LRIF1: variants seen among roughly 807,000 people sequenced by gnomAD.
LRIF1 encodes ligand dependent nuclear receptor interacting factor 1.
Under a neutral mutation model 52.7 loss-of-function variants are expected in LRIF1, and 32 were observed. The observed-to-expected ratio is 0.61, with a 90% CI of 0.46 to 0.82. The LOEUF is 0.82. LRIF1 is among the 40% of genes least tolerant of loss of function. The pLI, the probability that LRIF1 is intolerant of heterozygous loss-of-function variation, is 0.00. For synonymous variants in LRIF1, 323 were observed against 317.4 expected, an observed-to-expected ratio of 1.02 and a Z score of -0.19; for missense variants, 887 against 892.0, an observed-to-expected ratio of 0.99 and a Z score of 0.07.
rs1658239418 is a variant in LRIF1 at position 110,947,286 on chromosome 1, A to T, written c.*673T>A. ...ACGTATGTACATAGTCCCAAAAAAA[A>T]AAAAAGCAGCATTTGCCTGGGAACA... On this transcript the variant is annotated 3_prime_UTR_variant, in exon 4 of 4. Transcript: ENST00000369763. 1 of 152,208 alleles carries T rather than the reference A, an allele frequency of 6.6e-6. No individual in the cohort carries two copies. The highest frequency in any genetic ancestry group is 2.1e-4 in the South Asian group (1 of 4,830). The allele number at this position is 152,208 out of a possible 1,614,324, so 9.4% of individuals were successfully genotyped here.
At chr1:110,963,593 G>A in intron 1 of LRIF1, 28 bp downstream of exon 1, 2 of 1,591,502 alleles carry the variant, frequency 1.3e-6, no homozygotes, top group South Asian at 1.1e-5. Context: ...AGGGGCAGCC[G>A]TGGGGAGGAT....
rs770938313 is a variant in LRIF1 at position 110,951,878 on chromosome 1, G to C, written c.1006C>G (p.Pro336Ala). The change falls in exon 2 of 4, where the codon CCA becomes GCA. Residue 336 changes from proline (P) to alanine (A), a missense_variant. Transcript: ENST00000369763. Reference sequence around the variant, plus strand: ...CCACTAGGATCGATGGTACTCAATGGTGGCATATTTATAGTATTATCTCCC... The same window carrying C: ...CCACTAGGATCGATGGTACTCAATGCTGGCATATTTATAGTATTATCTCCC... ...NLGDNTINMP[P>A]LSTIDPSGTR... 2 of 1,613,774 alleles carry C rather than the reference G, an allele frequency of 1.2e-6. No homozygotes were observed. The highest frequency in any genetic ancestry group is 2.2e-5 in the South Asian group (2 of 91,084).
intron 3 of LRIF1, among the ~76,000 whole-genome samples, chr1:110,948,942 T>C (rs977416259): frequency 2.0e-5 from 3 of 152,184 alleles, no homozygotes; most frequent in African/African-American, 7.2e-5. Context: ...ACATTTGAAT[T>C]ATTTCCTTTA....
At chr1:110,925,782 C>T in the LRIF1 span, among the ~76,000 whole-genome samples, 1 of 151,868 alleles carries the variant, frequency 6.6e-6, no homozygotes, top group Non-Finnish European at 1.5e-5. Flanking sequence ...CCAGTTTAAT[C>T]TAATGAGATG....
chr1:110,961,280 C>T (rs1469416734), intron 1 of LRIF1, among the ~76,000 whole-genome samples: 1 of 152,180 alleles, frequency 6.6e-6, no homozygotes, highest in African/African-American at 2.4e-5. Context: ...AATCAGTCTT[C>T]CCATTTAGCA....
At chr1:110,919,631 G>T in the LRIF1 span, among the ~76,000 whole-genome samples, 1 of 152,106 alleles carries the variant, frequency 6.6e-6, no homozygotes, top group Non-Finnish European at 1.5e-5. Context: ...TGGTAAATTG[G>T]CTAAACTTTT....
chr1:110,876,026 T>A, the LRIF1 span, among the ~76,000 whole-genome samples: 1 of 152,192 alleles, frequency 6.6e-6, no homozygotes, highest in Admixed American at 6.5e-5. Context: ...AAAGAAAATA[T>A]GACACAAGCA....
At chr1:110,885,413 C>T in the LRIF1 span, among the ~76,000 whole-genome samples, 1 of 152,180 alleles carries the variant, frequency 6.6e-6, no homozygotes, top group Non-Finnish European at 1.5e-5. Flanking sequence ...TGGCAGGCGC[C>T]TGTAGTCCTA....
chr1:110,915,351 G>A, the LRIF1 span, among the ~76,000 whole-genome samples: 1 of 152,114 alleles, frequency 6.6e-6, no homozygotes, highest in Admixed American at 6.5e-5. Flanking sequence ...AGCCGGGCGC[G>A]GTGGCAGGCG....
At chr1:110,878,682 C>G in the LRIF1 span, among the ~76,000 whole-genome samples, 1 of 152,080 alleles carries the variant, frequency 6.6e-6, no homozygotes, top group Non-Finnish European at 1.5e-5. Context: ...TCAATCTTAG[C>G]TTACAAAGGT....
chr1:110,942,916 G>C (rs1265242048), downstream of LRIF1, among the ~76,000 whole-genome samples: 1 of 152,046 alleles, frequency 6.6e-6, no homozygotes, highest in Non-Finnish European at 1.5e-5. Flanking sequence ...ACGGTATTTT[G>C]ATCCATGAGA....
chr1:110,917,179 A>T, the LRIF1 span, among the ~76,000 whole-genome samples: 1 of 152,190 alleles, frequency 6.6e-6, no homozygotes, highest in Admixed American at 6.6e-5. Context: ...CTCCTGCAGG[A>T]CACCTACATT....
rs1018503024 is a variant in LRIF1 at position 110,947,815 on chromosome 1, G to A, written c.*144C>T. On this transcript the variant is annotated 3_prime_UTR_variant, in exon 4 of 4. Transcript: ENST00000369763. Reference sequence around the variant, plus strand: ...AGTCATATGTGAATCAACCTTTTCTGTATTCCTTAAAGTTGTACAATCGAC... The same window carrying A: ...AGTCATATGTGAATCAACCTTTTCTATATTCCTTAAAGTTGTACAATCGAC... The A allele has an allele frequency of 2.8e-5, 32 of 1,135,492 alleles. No homozygotes were observed. The African/African-American group carries it at 3.1e-4, about 11-fold the overall frequency. 70.3% of individuals were successfully genotyped at this position (1,135,492 alleles called of 1,614,324 possible). A position where few individuals can be genotyped will look rare whatever the true frequency, so the allele number is the denominator to read the frequency against.
chr1:110,902,495 T>TAAAAAAAGAAAAAAAAAAAAAAA, the LRIF1 span, among the ~76,000 whole-genome samples: 1 of 72,664 alleles, frequency 1.4e-5, no homozygotes, highest in African/African-American at 7.0e-5. Flanking sequence ...AATCAATCAC[T>TAAAAAAAGAAAAAAAAAAAAAAA]AAAAAAAAAA....
chr1:110,950,157 C>T (rs745720914), intron 2 of LRIF1, 34 bp from the exon 3 acceptor site: 10 of 1,565,462 alleles, frequency 6.4e-6, no homozygotes, highest in Non-Finnish European at 8.6e-6. Flanking sequence ...ACAAACAATA[C>T]TGCTAATTAT....
the LRIF1 span, among the ~76,000 whole-genome samples, chr1:110,907,471 C>T: frequency 6.6e-6 from 1 of 152,084 alleles, no homozygotes; most frequent in African/African-American, 2.4e-5. Flanking sequence ...AGATTTGAGC[C>T]AGGCGCGGTG....
chr1:110,909,405 A>G, the LRIF1 span, among the ~76,000 whole-genome samples: 1 of 152,124 alleles, frequency 6.6e-6, no homozygotes, highest in Non-Finnish European at 1.5e-5. Flanking sequence ...AATGGGCTAA[A>G]CACCCCACTT....
chr1:110,928,652 T>C, the LRIF1 span, among the ~76,000 whole-genome samples: 1 of 152,104 alleles, frequency 6.6e-6, no homozygotes, highest in South Asian at 2.1e-4. Context: ...GTGAGTGTAA[T>C]ATTAAACAAA....
At chr1:110,953,230 C>T (rs1658556670) in intron 1 of LRIF1, among the ~76,000 whole-genome samples, 2 of 152,124 alleles carry the variant, frequency 1.3e-5, no homozygotes, top group South Asian at 2.1e-4. Context: ...CCATTTCTCT[C>T]TTTTCCCCCT....
Sources: allele counts gnomAD v4.1 joint callset (sites outside exome capture counted in the v4.1 genomes callset), GRCh38; gene constraint gnomAD v4.1.1; transcripts MANE v1.5; gene names NCBI Gene and HGNC (gene_info 2026-07-23, HGNC 2026-07-21).